CDH4: variants seen among roughly 807,000 people sequenced by gnomAD.
CDH4 encodes the protein cadherin 4.
A neutral mutation model predicts 86.0 loss-of-function variants in CDH4; 33 were observed. That is an observed-to-expected ratio of 0.38 (90% confidence interval 0.29 to 0.51). CDH4 has a LOEUF of 0.51. CDH4 is among the 20% of genes least tolerant of loss of function. The pLI is 0.86. For missense variants in CDH4, 1,114 were observed against 1,307.4 expected (o/e 0.85, Z 2.28); for synonymous variants, 555 against 549.4 (o/e 1.01, Z -0.14).
intron 2 of CDH4, among the ~76,000 whole-genome samples, chr20:61,390,352 C>T (rs1291385862): frequency 6.1e-5 from 8 of 130,328 alleles, no homozygotes; most frequent in African/African-American, 2.2e-4. Flanking sequence ...TAGGAAACCC[C>T]GATTGGGTTC....
intron 2 of CDH4, among the ~76,000 whole-genome samples, chr20:61,268,877 C>T (rs2084169905): frequency 6.6e-6 from 1 of 152,222 alleles, no homozygotes; most frequent in African/African-American, 2.4e-5. Context: ...TACTCAGCCT[C>T]AGGTGTTCCT....
intron 2 of CDH4, among the ~76,000 whole-genome samples, chr20:61,470,468 T>A (rs2085495902): frequency 6.6e-6 from 1 of 152,166 alleles, no homozygotes. Flanking sequence ...AAGTATAAGA[T>A]CATATCATCT....
Position 61,709,752 on chromosome 20 carries a change from G to A in CDH4, c.170-33811G>A, listed in dbSNP as rs1037366505. Among the ~76,000 whole-genome samples the A allele has an allele frequency of 4.6e-5, 7 of 152,132 alleles. No homozygotes were observed. Among genetic ancestry groups the A allele is most frequent in the African/African-American group, 9.7e-5 (4 of 41,418 alleles). On this transcript the variant is annotated intron_variant, in intron 2 of 15. Coordinates refer to ENST00000614565, the MANE Select transcript of CDH4 (RefSeq NM_001794.5). The surrounding 1 kb of genome is among the most constrained non-coding windows in gnomAD (Gnocchi z 4.8). ...ACTTGCCACGTCCCCTGGTCCTCAC[G>A]AAGCCCAAAATAGCAGGATGGAGCG... is the stretch of plus-strand genomic sequence containing the variant.
At chr20:61,714,379 T>G (rs1000853833) in intron 2 of CDH4, among the ~76,000 whole-genome samples, 1 of 152,188 alleles carries the variant, frequency 6.6e-6, no homozygotes, top group Admixed American at 6.5e-5. Context: ...CACCTGGGAC[T>G]GGGTATTCAT....
At chr20:61,863,751 G>A (rs1209806588) in intron 6 of CDH4, among the ~76,000 whole-genome samples, 4 of 152,208 alleles carry the variant, frequency 2.6e-5, no homozygotes, top group African/African-American at 7.2e-5. Flanking sequence ...AGGAGGAGCC[G>A]AGGCTCCCGG....
chr20:61,740,263 G>C (rs1024863011), intron 2 of CDH4, among the ~76,000 whole-genome samples: 1 of 152,158 alleles, frequency 6.6e-6, no homozygotes, highest in Non-Finnish European at 1.5e-5. Context: ...AATAGGATAT[G>C]GGGAGGAGTC....
chr20:61,846,180 A>C (rs1183477499), intron 5 of CDH4, among the ~76,000 whole-genome samples: 1 of 152,198 alleles, frequency 6.6e-6, no homozygotes, highest in African/African-American at 2.4e-5. Context: ...CCCGGTCTGC[A>C]CCGGGGCCTT....
intron 2 of CDH4, among the ~76,000 whole-genome samples, chr20:61,571,785 G>T (rs1007142637): frequency 1.8e-4 from 1 of 5,416 alleles, no homozygotes; most frequent in African/African-American, 6.6e-4. Context: ...ACCCCTTCCC[G>T]CCCCTCCCCT....
intron 2 of CDH4, among the ~76,000 whole-genome samples, chr20:61,319,641 A>G (rs1455197451): frequency 2.0e-5 from 3 of 152,168 alleles, no homozygotes; most frequent in Non-Finnish European, 2.9e-5. Context: ...TAAAGTTTCA[A>G]TTATACAAGA....
At chr20:61,414,402 G>A (rs2085135694) in intron 2 of CDH4, among the ~76,000 whole-genome samples, 1 of 152,220 alleles carries the variant, frequency 6.6e-6, no homozygotes, top group African/African-American at 2.4e-5. Context: ...TCACTGTGGT[G>A]TGAGGTGACT....
At chr20:61,481,043 G>T (rs1056043278) in intron 2 of CDH4, among the ~76,000 whole-genome samples, 1 of 152,150 alleles carries the variant, frequency 6.6e-6, no homozygotes, top group Non-Finnish European at 1.5e-5. Flanking sequence ...AAGTGTACCC[G>T]GTTAAGAACT....
rs2085140902 is a variant in CDH4 at position 61,415,354 on chromosome 20, A to C, written c.169+160417A>C. Among the ~76,000 whole-genome samples the C allele has an allele frequency of 2.6e-5, 4 of 152,230 alleles. No individual in the cohort carries two copies. The South Asian group carries it at 8.3e-4, about 32-fold the overall frequency. Reference sequence around the variant, plus strand: ...AAAAGTGAAAAGAAACAGTAAAACTAATTCTTATTGTGGTGAATGTATTTA... The same window carrying C: ...AAAAGTGAAAAGAAACAGTAAAACTCATTCTTATTGTGGTGAATGTATTTA... On this transcript the variant is annotated intron_variant, in intron 2 of 15. Coordinates refer to ENST00000614565, the MANE Select transcript of CDH4 (RefSeq NM_001794.5).
At position 61,800,010 on chromosome 20, in the gene CDH4, G is replaced by A. The variant is rs908322546; in HGVS notation, c.576+26828G>A. Among the ~76,000 whole-genome samples the A allele has an allele frequency of 3.9e-5, 6 of 152,194 alleles. No individual in the cohort carries two copies. The South Asian group carries it at 8.3e-4, about 21-fold the overall frequency. The stretch of plus-strand genomic sequence containing the variant: ...TTCCCATGACCCGCTCGGCTGCAGC[G>A]GCCCTCGGTGGGCACAGTCACCGGG... On this transcript the variant is annotated intron_variant, in intron 4 of 15. Transcript: ENST00000614565.
At chr20:61,737,296 A>C (rs923459396) in intron 2 of CDH4, among the ~76,000 whole-genome samples, 4 of 152,174 alleles carry the variant, frequency 2.6e-5, no homozygotes, top group African/African-American at 7.2e-5. Context: ...ACAGGAGGCC[A>C]GCGGTATGGG....
intron 2 of CDH4, among the ~76,000 whole-genome samples, chr20:61,636,810 CA>C (rs2086951927): frequency 6.6e-6 from 1 of 152,356 alleles, no homozygotes; most frequent in Admixed American, 6.5e-5. Context: ...GAAGCCTCCA[CA>C]GGGGCGGTAG....
intron 2 of CDH4, among the ~76,000 whole-genome samples, chr20:61,617,413 G>A (rs1368845339): frequency 6.6e-6 from 1 of 152,222 alleles, no homozygotes; most frequent in African/African-American, 2.4e-5. Flanking sequence ...TTCTCACAAA[G>A]CATTGTAGCT....
At chr20:61,561,422 G>A (rs191785933) in intron 2 of CDH4, among the ~76,000 whole-genome samples, 1 of 152,354 alleles carries the variant, frequency 6.6e-6, no homozygotes, top group Non-Finnish European at 1.5e-5. Flanking sequence ...GCCACATGGC[G>A]GGTGCAGGCC....
intron 2 of CDH4, among the ~76,000 whole-genome samples, chr20:61,258,953 G>C (rs917515913): frequency 3.9e-5 from 6 of 152,190 alleles, no homozygotes; most frequent in African/African-American, 1.4e-4. Context: ...ACTGATGGGG[G>C]TGGAGCACTG....
chr20:61,429,783 A>ATGGATGGATGGG lies in CDH4; in HGVS notation c.169+174849_169+174850insATGGATGGGTGG, dbSNP rs1555849352. On this transcript the variant is annotated intron_variant, in intron 2 of 15. Transcript: ENST00000614565. The stretch of plus-strand genomic sequence containing the variant: ...GATGGATGGATGGATGGATGGATGG[A>ATGGATGGATGGG]TGGGTGGGTGGAAAGATGGATAGGT... Among the ~76,000 whole-genome samples, 8 of 149,806 alleles carry ATGGATGGATGGG rather than the reference A, an allele frequency of 5.3e-5. 1 individual carries two copies. The South Asian group carries it at 1.7e-3, about 32-fold the overall frequency.
Sources: gnomAD v4.1 joint callset for allele counts (sites outside exome capture counted in the v4.1 genomes callset) on GRCh38, gnomAD v4.1.1 for gene constraint, Gnocchi (gnomAD v3.1) non-coding constraint, MANE v1.5 for transcripts, NCBI Gene and HGNC (gene_info 2026-07-23, HGNC 2026-07-21) for gene names.